Variants in LPP observed in about 807,000 individuals in gnomAD.
LPP encodes the protein LIM domain containing preferred translocation partner in lipoma, also known as lipoma-preferred partner.
Under a neutral mutation model 60.4 loss-of-function variants are expected in LPP, and 38 were observed. The observed-to-expected ratio is 0.63, with a 90% CI of 0.49 to 0.83. The LOEUF (loss-of-function observed/expected upper bound fraction) is 0.83. Ranked by LOEUF, LPP falls within the 40% of genes least tolerant of loss-of-function variation. The pLI is 0.00. For synonymous variants in LPP, 328 were observed against 290.8 expected, an observed-to-expected ratio of 1.13 and a Z score of -1.30; for missense variants, 902 against 783.6, an observed-to-expected ratio of 1.15 and a Z score of -1.80.
At chr3:188,658,137 G>GAGTTTAGTTTAGTTTAGTTTAGTTTAGT (rs1853740213) in intron 7 of LPP, among the ~76,000 whole-genome samples, 3 of 146,000 alleles carry the variant, frequency 2.1e-5, no homozygotes, top group Non-Finnish European at 4.5e-5. Flanking sequence ...TTTAGTTTAG[G>GAGTTTAGTTTAGTTTAGTTTAGTTTAGT]TTAGTTTAGT....
chr3:188,411,378 A>G (rs1419667613), intron 4 of LPP, among the ~76,000 whole-genome samples: 3 of 152,202 alleles, frequency 2.0e-5, no homozygotes, highest in Admixed American at 6.6e-5. Flanking sequence ...ACGAAAGTAG[A>G]CATACCATTT....
At chr3:188,543,226 G>A (rs1825689731) in intron 6 of LPP, among the ~76,000 whole-genome samples, 1 of 152,158 alleles carries the variant, frequency 6.6e-6, no homozygotes, top group African/African-American at 2.4e-5. Context: ...TTGAGGGGTG[G>A]AGAGGCTTTT....
intron 7 of LPP, among the ~76,000 whole-genome samples, chr3:188,690,839 T>A (rs1419039081): frequency 6.6e-6 from 1 of 152,174 alleles, no homozygotes; most frequent in African/African-American, 2.4e-5. Context: ...GGGCCTCTAT[T>A]TGTAGAAGGA....
chr3:188,669,270 A>G (rs914281126), intron 7 of LPP, among the ~76,000 whole-genome samples: 4 of 152,108 alleles, frequency 2.6e-5, no homozygotes, highest in African/African-American at 7.2e-5. Context: ...AACATCTCAC[A>G]CCAGTTAGAT....
At chr3:188,325,156 T>C (rs1005463819) in intron 2 of LPP, among the ~76,000 whole-genome samples, 1 of 152,018 alleles carries the variant, frequency 6.6e-6, no homozygotes, top group African/African-American at 2.4e-5. Flanking sequence ...AATTTTTGTA[T>C]TTTTAGTAGA....
chr3:188,744,026 C>G (rs987466560), intron 8 of LPP, among the ~76,000 whole-genome samples: 2 of 152,118 alleles, frequency 1.3e-5, no homozygotes, highest in Admixed American at 1.3e-4. Flanking sequence ...ATCACACTTT[C>G]TCAATAATCT....
At chr3:188,474,728 T>C (rs1262512147) in intron 4 of LPP, among the ~76,000 whole-genome samples, 1 of 152,244 alleles carries the variant, frequency 6.6e-6, no homozygotes, top group Non-Finnish European at 1.5e-5. Flanking sequence ...TCACATGAAT[T>C]TTTAGATTTT....
At chr3:188,392,394 T>C (rs1779918338) in intron 3 of LPP, among the ~76,000 whole-genome samples, 1 of 152,176 alleles carries the variant, frequency 6.6e-6, no homozygotes, top group African/African-American at 2.4e-5. Flanking sequence ...GGGGGAGTTC[T>C]GTCTTAAAAA....
chr3:188,442,375 A>G (rs931337288), intron 4 of LPP, among the ~76,000 whole-genome samples: 4 of 152,128 alleles, frequency 2.6e-5, no homozygotes, highest in African/African-American at 9.7e-5. Context: ...CATGCGGTCA[A>G]CATAACTTTT....
intron 2 of LPP, among the ~76,000 whole-genome samples, chr3:188,258,586 G>A (rs1732479891): frequency 6.6e-6 from 1 of 152,190 alleles, no homozygotes; most frequent in South Asian, 2.1e-4. Flanking sequence ...CTCCCAAAGT[G>A]CTGGAATCAT....
At chr3:188,825,165 A>G (rs190026960) in intron 9 of LPP, among the ~76,000 whole-genome samples, 185 of 152,180 alleles carry the variant, frequency 1.2e-3, no homozygotes, top group African/African-American at 4.1e-3. Context: ...TTGTTTTTAA[A>G]TGTCATTATG....
intron 2 of LPP, chr3:188,239,805 A>T (rs549172825): frequency 4.6e-6 from 1 of 215,782 alleles, no homozygotes; most frequent in Non-Finnish European, 9.3e-6. Flanking sequence ...TCATGCAAAA[A>T]GTCACTTTAA....
chr3:188,399,830 A>C (rs1220376096), intron 3 of LPP, among the ~76,000 whole-genome samples: 3 of 152,202 alleles, frequency 2.0e-5, no homozygotes, highest in Non-Finnish European at 4.4e-5. Flanking sequence ...TTTTTAGAAG[A>C]GTAGCATATT....
intron 2 of LPP, among the ~76,000 whole-genome samples, chr3:188,240,650 T>C (rs1724148819): frequency 6.6e-6 from 1 of 152,120 alleles, no homozygotes; most frequent in South Asian, 2.1e-4. Flanking sequence ...AAAAGCGTAA[T>C]CATAACTATC....
At chr3:188,284,673 A>G (rs1056664409) in intron 2 of LPP, among the ~76,000 whole-genome samples, 4 of 152,168 alleles carry the variant, frequency 2.6e-5, no homozygotes, top group South Asian at 2.1e-4. Context: ...TGGTAACAGA[A>G]CCAAGGAGAT....
chr3:188,476,453 C>T (rs975536088), intron 4 of LPP, among the ~76,000 whole-genome samples: 1 of 147,664 alleles, frequency 6.8e-6, no homozygotes, highest in African/African-American at 2.7e-5. Context: ...TGTTAAGTTA[C>T]TTCTTTGGTA....
At chr3:188,268,239 CACA>C (rs774880649) in intron 2 of LPP, among the ~76,000 whole-genome samples, 5 of 151,828 alleles carry the variant, frequency 3.3e-5, no homozygotes, top group Non-Finnish European at 5.9e-5. Flanking sequence ...ATTTGAGCCT[CACA>C]ACAACTCTGG....
chr3:188,860,556 A>G (rs2151941870), intron 9 of LPP, among the ~76,000 whole-genome samples: 1 of 152,222 alleles, frequency 6.6e-6, no homozygotes, highest in African/African-American at 2.4e-5. Flanking sequence ...AATATGGTGC[A>G]TCCGGAACCC....
chr3:188,763,880 T>C (rs1310897333), intron 9 of LPP, among the ~76,000 whole-genome samples: 2 of 152,146 alleles, frequency 1.3e-5, no homozygotes, highest in African/African-American at 4.8e-5. Flanking sequence ...AAATTTAATC[T>C]GGAGGACTTT....
Sources: allele counts gnomAD v4.1 joint callset (sites outside exome capture counted in the v4.1 genomes callset), GRCh38; gene constraint gnomAD v4.1.1; transcripts MANE v1.5; gene names NCBI Gene and HGNC (gene_info 2026-07-23, HGNC 2026-07-21).